The following ELMO1 variants were observed in gnomAD, a reference collection of about 807,000 sequenced individuals.
ELMO1 encodes engulfment and cell motility protein 1.
A neutral mutation model predicts 98.9 loss-of-function variants in ELMO1; 26 were observed. That is an observed-to-expected ratio of 0.26 (90% CI 0.19 to 0.36). ELMO1 has a LOEUF of 0.36. Ranked by LOEUF, ELMO1 falls within the 10% of genes least tolerant of loss-of-function variation. ELMO1 has a pLI of 1.00. For synonymous variants in ELMO1, 346 were observed against 346.0 expected (o/e 1.00, Z 0.00); for missense variants, 627 against 935.2 (o/e 0.67, Z 4.30).
chr7:36,924,344 G>C (rs1489400432), intron 16 of ELMO1, among the ~76,000 whole-genome samples: 1 of 152,230 alleles, frequency 6.6e-6, no homozygotes, highest in East Asian at 1.9e-4. Context: ...ATCACCACCA[G>C]CCTACATGAT....
intron 1 of ELMO1, among the ~76,000 whole-genome samples, chr7:37,431,299 T>C (rs59672764): frequency 0.046 from 6,994 of 152,108 alleles, 451 homozygotes; most frequent in African/African-American, 0.14. Context: ...ACTATGCCAC[T>C]GTACTCCAGC....
chr7:37,175,818 G>A (rs1210521672), intron 13 of ELMO1, among the ~76,000 whole-genome samples: 1 of 152,184 alleles, frequency 6.6e-6, no homozygotes, highest in Admixed American at 6.5e-5. Flanking sequence ...CTGCACTCCA[G>A]CCTGGGCGAC....
intron 15 of ELMO1, among the ~76,000 whole-genome samples, chr7:37,028,793 G>T (rs1208703878): frequency 6.6e-6 from 1 of 152,086 alleles, no homozygotes; most frequent in Non-Finnish European, 1.5e-5. Flanking sequence ...TGTTGCCCAG[G>T]CTGTACATTC....
chr7:37,274,812 A>G (rs570216650), intron 4 of ELMO1, among the ~76,000 whole-genome samples: 113 of 152,286 alleles, frequency 7.4e-4, no homozygotes, highest in African/African-American at 2.6e-3. Context: ...CAGCCTCCCA[A>G]AGTGTTGGGA....
At chr7:37,034,451 C>G (rs1043119276) in intron 15 of ELMO1, among the ~76,000 whole-genome samples, 7 of 152,052 alleles carry the variant, frequency 4.6e-5, no homozygotes, top group African/African-American at 7.2e-5. Flanking sequence ...TACAGTTGAC[C>G]TATGAACAAC....
intron 16 of ELMO1, among the ~76,000 whole-genome samples, chr7:36,953,970 G>A (rs1788229092): frequency 6.6e-6 from 1 of 151,818 alleles, no homozygotes; most frequent in African/African-American, 2.4e-5. Flanking sequence ...TCTTTATTCA[G>A]AAGCTAATTA....
chr7:37,147,073 A>T (rs973081621), intron 13 of ELMO1, among the ~76,000 whole-genome samples: 3 of 152,172 alleles, frequency 2.0e-5, no homozygotes, highest in Non-Finnish European at 4.4e-5. Context: ...AAGAAATTTA[A>T]TCAGAGAAAT....
rs74682192 is a variant in ELMO1, at chr7:36,877,546, G to A, written c.1822+464C>T. On this transcript the variant is annotated intron_variant, in intron 19 of 21. Coordinates refer to ENST00000310758, the MANE Select transcript of ELMO1 (RefSeq NM_014800.11). ...TCATCATTTTCAAAGTGTCTTTGAG[G>A]TAAACTAGCTATATTTGGCTCTGCC... 2.6e-3 allele frequency among the ~76,000 whole-genome samples: 394 copies of A among 152,106 alleles called. 2 individuals are homozygous for A. Among genetic ancestry groups the A allele is most frequent in the African/African-American group, 9.1e-3 (377 of 41,550 alleles).
chr7:37,357,369 G>A (rs1407507170), intron 1 of ELMO1, among the ~76,000 whole-genome samples: 1 of 152,120 alleles, frequency 6.6e-6, no homozygotes, highest in Non-Finnish European at 1.5e-5. Context: ...GCTATAGTAG[G>A]CATAATCCAC....
intron 4 of ELMO1, among the ~76,000 whole-genome samples, chr7:37,299,230 A>G (rs1470207932): frequency 1.1e-4 from 3 of 26,760 alleles, no homozygotes; most frequent in Non-Finnish European, 1.3e-4. Flanking sequence ...GTAGGTTGTG[A>G]AAATTTTCTC....
intron 13 of ELMO1, among the ~76,000 whole-genome samples, chr7:37,210,091 T>TAA (rs145677951): frequency 6.7e-6 from 1 of 149,080 alleles, no homozygotes; most frequent in African/African-American, 2.5e-5. Flanking sequence ...TGGAGAGAGT[T>TAA]AAAAAAAAAA....
chr7:37,015,639 T>A (rs541635030), intron 15 of ELMO1, among the ~76,000 whole-genome samples: 35 of 151,920 alleles, frequency 2.3e-4, no homozygotes, highest in Admixed American at 5.9e-4. Flanking sequence ...GGAAATGAAG[T>A]CCCCTCTGCC....
intron 15 of ELMO1, among the ~76,000 whole-genome samples, chr7:37,047,755 A>C (rs1795878683): frequency 1.3e-5 from 2 of 152,226 alleles, no homozygotes; most frequent in Admixed American, 6.5e-5. Flanking sequence ...TACATAAATT[A>C]TCTCTTTGTC....
chr7:36,988,881 G>T (rs570351016), intron 16 of ELMO1, among the ~76,000 whole-genome samples: 1 of 152,342 alleles, frequency 6.6e-6, no homozygotes, highest in South Asian at 2.1e-4. Flanking sequence ...ATGCATTGCA[G>T]TGCTCCAGTT....
intron 15 of ELMO1, among the ~76,000 whole-genome samples, chr7:37,060,742 T>G (rs559304360): frequency 1.3e-5 from 2 of 152,296 alleles, no homozygotes; most frequent in South Asian, 4.1e-4. Flanking sequence ...GCCCATAAAA[T>G]ATTAGGTCAT....
At chr7:36,980,232 A>G (rs1263243647) in intron 16 of ELMO1, among the ~76,000 whole-genome samples, 4 of 152,242 alleles carry the variant, frequency 2.6e-5, no homozygotes, top group African/African-American at 9.6e-5. Context: ...GTCTTGCACA[A>G]GGCACTGAGC....
intron 4 of ELMO1, among the ~76,000 whole-genome samples, chr7:37,300,869 T>C (rs1034270319): frequency 6.6e-6 from 1 of 152,176 alleles, no homozygotes; most frequent in Non-Finnish European, 1.5e-5. Context: ...GTACCTCTGG[T>C]AGAATTCAGC....
At chr7:36,905,384 G>A (rs934457252) in intron 16 of ELMO1, among the ~76,000 whole-genome samples, 5 of 152,140 alleles carry the variant, frequency 3.3e-5, no homozygotes, top group South Asian at 2.1e-4. Flanking sequence ...TGTCCTTGGT[G>A]GGGAGGGGAT....
At chr7:37,074,571 G>C (rs559089926) in intron 15 of ELMO1, among the ~76,000 whole-genome samples, 9 of 152,322 alleles carry the variant, frequency 5.9e-5, no homozygotes, top group Non-Finnish European at 1.0e-4. Context: ...GAATCCTTTT[G>C]TCTTTGCTGT....
Sources: allele counts gnomAD v4.1 joint callset (sites outside exome capture counted in the v4.1 genomes callset), GRCh38; gene constraint gnomAD v4.1.1; transcripts MANE v1.5; gene names NCBI Gene and HGNC (gene_info 2026-07-23, HGNC 2026-07-21).